NR6A1: variants seen among roughly 807,000 people sequenced by gnomAD.
The protein encoded by NR6A1 is nuclear receptor subfamily 6 group A member 1, also known as retinoic acid receptor-related testis-associated receptor.
NR6A1 carries 7 observed loss-of-function variants against 59.1 expected under a neutral mutation model. That is an observed-to-expected ratio of 0.12 (90% CI 0.07 to 0.22). NR6A1 has a LOEUF of 0.22. Ranked by LOEUF, NR6A1 falls within the 10% of genes least tolerant of loss-of-function variation. The probability of loss-of-function intolerance (pLI) is 1.00; values close to 1 mark genes in which losing one functional copy is unlikely to be tolerated. For synonymous variants in NR6A1, 243 were observed against 236.1 expected (o/e 1.03, Z -0.27); for missense variants, 468 against 611.6 (o/e 0.77, Z 2.48).
chr9:124,602,710 G>A (rs970146043), intron 2 of NR6A1, among the ~76,000 whole-genome samples: 33 of 152,160 alleles, frequency 2.2e-4, no homozygotes, highest in Non-Finnish European at 2.8e-4. Flanking sequence ...TCAGTTCTAC[G>A]TGAGAATTCT....
At chr9:124,720,243 G>GT (rs1171199640) in intron 2 of NR6A1, among the ~76,000 whole-genome samples, 2 of 152,054 alleles carry the variant, frequency 1.3e-5, no homozygotes, top group Non-Finnish European at 2.9e-5. Context: ...TGGAGATGGG[G>GT]TTTCACCATG....
chr9:124,662,297 T>C (rs1209356228), intron 2 of NR6A1, among the ~76,000 whole-genome samples: 1 of 152,144 alleles, frequency 6.6e-6, no homozygotes, highest in Non-Finnish European at 1.5e-5. Flanking sequence ...ATCACAGCAA[T>C]GGACAATATG....
chr9:124,711,968 T>G (rs368782761), intron 2 of NR6A1, among the ~76,000 whole-genome samples: 1 of 152,214 alleles, frequency 6.6e-6, no homozygotes, highest in African/African-American at 2.4e-5. Context: ...TACAACTCCC[T>G]TCTCCAAGAT....
rs1461448277 is a variant in NR6A1 at position 124,716,199 on chromosome 9, T to G, written c.142+17109A>C. ...CAGCCTGGGCAGCAGAGTGAGGCCC[T>G]GTCTCAAAAAAATAAAATGTAATGA... On this transcript the variant is annotated intron_variant, in intron 2 of 9. Transcript: ENST00000487099. 5.9e-5 allele frequency among the ~76,000 whole-genome samples: 9 copies of G among 152,284 alleles called. No individual in the cohort carries two copies. The East Asian group carries it at 1.7e-3, about 29-fold the overall frequency.
intron 2 of NR6A1, among the ~76,000 whole-genome samples, chr9:124,637,580 C>T (rs898413638): frequency 6.6e-6 from 1 of 152,160 alleles, no homozygotes; most frequent in Non-Finnish European, 1.5e-5. Context: ...CCAAACTCTA[C>T]ACCATCTCCC....
chr9:124,725,493 T>C (rs975786822), intron 2 of NR6A1, among the ~76,000 whole-genome samples: 3 of 152,178 alleles, frequency 2.0e-5, no homozygotes, highest in African/African-American at 7.2e-5. Flanking sequence ...ACCTGCTGCC[T>C]ACAACCACTG....
chr9:124,532,801 G>A (rs1444735596), intron 7 of NR6A1, among the ~76,000 whole-genome samples: 4 of 152,198 alleles, frequency 2.6e-5, no homozygotes, highest in Admixed American at 2.6e-4. Flanking sequence ...CGTGGCTACT[G>A]AGCACTTGAA....
chr9:124,563,943 G>A (rs1213241501), intron 2 of NR6A1, among the ~76,000 whole-genome samples: 1 of 151,986 alleles, frequency 6.6e-6, no homozygotes, highest in Non-Finnish European at 1.5e-5. Flanking sequence ...AGGCATGGTG[G>A]CACACACCTA....
At chr9:124,578,163 C>T (rs1401730041) in intron 2 of NR6A1, among the ~76,000 whole-genome samples, 3 of 152,168 alleles carry the variant, frequency 2.0e-5, no homozygotes, top group Admixed American at 1.3e-4. Context: ...ATTGGAATGT[C>T]TCCTGGGGTT....
At position 124,538,337 on chromosome 9, in the gene NR6A1, G is replaced by A. The variant is rs1262184936; in HGVS notation, c.597-18C>T. 6.3e-7 allele frequency: 1 copy of A among 1,590,782 alleles called. No individual in the cohort carries two copies. Among genetic ancestry groups the A allele is most frequent in the South Asian group, 1.1e-5 (1 of 89,778 alleles). Reference sequence around the variant, plus strand: ...CAGACCTACTGGAGAGAAAAGTCTTGCGTCAAACAGAGCCATGGCAAGTCT... The same window carrying A: ...CAGACCTACTGGAGAGAAAAGTCTTACGTCAAACAGAGCCATGGCAAGTCT... On this transcript the variant is annotated intron_variant, in intron 5 of 9. Coordinates refer to ENST00000487099, the MANE Select transcript of NR6A1 (RefSeq NM_033334.4).
intron 2 of NR6A1, among the ~76,000 whole-genome samples, chr9:124,642,198 C>T (rs1386140002): frequency 1.3e-5 from 2 of 152,060 alleles, no homozygotes; most frequent in Non-Finnish European, 2.9e-5. Context: ...TACAAGCGCA[C>T]ACCACCACGC....
intron 2 of NR6A1, among the ~76,000 whole-genome samples, chr9:124,587,942 A>G (rs1292513946): frequency 6.6e-6 from 1 of 152,162 alleles, no homozygotes; most frequent in East Asian, 1.9e-4. Context: ...ATCATAATTC[A>G]ATGCAGCCTT....
intron 8 of NR6A1, among the ~76,000 whole-genome samples, chr9:124,525,948 A>G (rs1348853925): frequency 4.6e-4 from 70 of 152,170 alleles, no homozygotes; most frequent in Non-Finnish European, 7.3e-5. Context: ...GGGCTTGGCC[A>G]AAGGGAAGCA....
At chr9:124,699,762 A>T (rs771617159) in intron 2 of NR6A1, among the ~76,000 whole-genome samples, 2 of 152,054 alleles carry the variant, frequency 1.3e-5, no homozygotes, top group Non-Finnish European at 2.9e-5. Context: ...TCACCCATAA[A>T]ACTCCCTTTG....
intron 9 of NR6A1, 77 bp downstream of exon 9, chr9:124,524,642 GAA>G: frequency 6.5e-7 from 1 of 1,531,130 alleles, no homozygotes. Context: ...AGAGCACCCT[GAA>G]AACACTGCTT....
intron 2 of NR6A1, among the ~76,000 whole-genome samples, chr9:124,728,573 T>C (rs1016580473): frequency 6.6e-6 from 1 of 151,902 alleles, no homozygotes; most frequent in African/African-American, 2.4e-5. Flanking sequence ...AGGCAGAGTT[T>C]GCAGTGAGCC....
intron 2 of NR6A1, among the ~76,000 whole-genome samples, chr9:124,631,437 T>G (rs1055984467): frequency 1.3e-5 from 2 of 152,220 alleles, no homozygotes; most frequent in African/African-American, 4.8e-5. Flanking sequence ...GAAAACATTT[T>G]CTACACAGCT....
At chr9:124,574,021 A>C (rs1834522455) in intron 2 of NR6A1, among the ~76,000 whole-genome samples, 2 of 152,214 alleles carry the variant, frequency 1.3e-5, no homozygotes, top group African/African-American at 4.8e-5. Flanking sequence ...AAACATCAAT[A>C]TGTAAATATG....
At chr9:124,665,449 G>T (rs1469827941) in intron 2 of NR6A1, among the ~76,000 whole-genome samples, 1 of 152,158 alleles carries the variant, frequency 6.6e-6, no homozygotes, top group Non-Finnish European at 1.5e-5. Context: ...GTTCCATAAT[G>T]ACCATTAGTC....
Sources: gnomAD v4.1 joint callset for allele counts (sites outside exome capture counted in the v4.1 genomes callset) on GRCh38, gnomAD v4.1.1 for gene constraint, MANE v1.5 for transcripts, NCBI Gene and HGNC (gene_info 2026-07-23, HGNC 2026-07-21) for gene names.